KCNH7: variants seen among roughly 807,000 people sequenced by gnomAD.
KCNH7 encodes the protein potassium voltage-gated channel subfamily H member 7.
A neutral mutation model predicts 120.8 loss-of-function variants in KCNH7; 49 were observed. The ratio of observed to expected loss-of-function variants is 0.41; its 90% CI spans 0.32 to 0.51. The LOEUF (loss-of-function observed/expected upper bound fraction) is 0.51, where lower values mean the gene tolerates loss of function less well. KCNH7 is among the 20% of genes least tolerant of loss of function. The pLI, the probability that KCNH7 is intolerant of heterozygous loss-of-function variation, is 0.38. For synonymous variants in KCNH7, 547 were observed against 516.1 expected (o/e 1.06, Z -0.81); for missense variants, 1,097 against 1,446.6 (o/e 0.76, Z 3.92).
At chr2:162,497,666 G>A (rs151132527) in intron 6 of KCNH7, among the ~76,000 whole-genome samples, 183 of 152,192 alleles carry the variant, frequency 1.2e-3, no homozygotes, top group Admixed American at 2.9e-3. Context: ...TGAAGGCTAC[G>A]TCCATCATTT....
At chr2:162,537,102 G>A (rs1392052430) in intron 2 of KCNH7, 22 bp from the exon 3 acceptor site, 2 of 1,569,268 alleles carry the variant, frequency 1.3e-6, no homozygotes, top group Non-Finnish European at 1.7e-6. Context: ...AAAAATGAAT[G>A]TTAGTTAAAA....
chr2:162,606,688 T>G (rs574241863), intron 2 of KCNH7, among the ~76,000 whole-genome samples: 1 of 152,292 alleles, frequency 6.6e-6, no homozygotes, highest in East Asian at 1.9e-4. Context: ...AGATAAACAG[T>G]GTTCAGCCTT....
chr2:162,558,994 G>A (rs1317158544), intron 2 of KCNH7, among the ~76,000 whole-genome samples: 85 of 143,922 alleles, frequency 5.9e-4, no homozygotes, highest in African/African-American at 2.1e-3. Flanking sequence ...GGTGGAGCTT[G>A]CAGTGAGCCA....
intron 6 of KCNH7, among the ~76,000 whole-genome samples, chr2:162,460,331 C>T (rs886380766): frequency 6.6e-5 from 10 of 151,992 alleles, no homozygotes; most frequent in African/African-American, 2.4e-4. Flanking sequence ...TGCTGAGCTG[C>T]CGTATGGTGC....
chr2:162,706,224 C>T lies in KCNH7; in HGVS notation c.307+130313G>A, dbSNP rs538204390. Reference sequence around the variant, plus strand: ...ACTTACTTAAAGTTCCCCCTTTTAACCTACAGAAACCTTAAGAAACTGATA... The same window carrying T: ...ACTTACTTAAAGTTCCCCCTTTTAATCTACAGAAACCTTAAGAAACTGATA... On this transcript the variant is annotated intron_variant, in intron 2 of 15. Transcript: ENST00000332142. 2.6e-5 allele frequency among the ~76,000 whole-genome samples: 4 copies of T among 152,152 alleles called. No homozygotes were observed. The East Asian group carries it at 7.7e-4, about 29-fold the overall frequency.
chr2:162,469,210 T>G (rs978350103), intron 6 of KCNH7, among the ~76,000 whole-genome samples: 2 of 150,620 alleles, frequency 1.3e-5, no homozygotes, highest in African/African-American at 5.0e-5. Flanking sequence ...GTTATGAAAT[T>G]TTATGCTATA....
intron 6 of KCNH7, among the ~76,000 whole-genome samples, chr2:162,451,681 G>GTC (rs893477910): frequency 6.6e-6 from 1 of 151,940 alleles, no homozygotes; most frequent in African/African-American, 2.4e-5. Context: ...GAGTGGCTGG[G>GTC]TCTCTCTCTA....
intron 8 of KCNH7, among the ~76,000 whole-genome samples, chr2:162,430,378 T>G (rs548026379): frequency 6.6e-6 from 1 of 152,124 alleles, no homozygotes; most frequent in Non-Finnish European, 1.5e-5. Flanking sequence ...AGGATACCTA[T>G]GTAGGTTTCT....
intron 2 of KCNH7, among the ~76,000 whole-genome samples, chr2:162,543,998 T>A (rs528664312): frequency 1.3e-5 from 2 of 152,292 alleles, no homozygotes; most frequent in East Asian, 3.9e-4. Context: ...GATGAACTCA[T>A]CAGATTAATT....
chr2:162,822,885 C>G (rs994665095), intron 2 of KCNH7, among the ~76,000 whole-genome samples: 1 of 152,226 alleles, frequency 6.6e-6, no homozygotes, highest in African/African-American at 2.4e-5. Flanking sequence ...GCCCGCACTC[C>G]TGTACAGCTG....
chr2:162,662,702 A>G (rs1264622040), intron 2 of KCNH7, among the ~76,000 whole-genome samples: 1 of 151,926 alleles, frequency 6.6e-6, no homozygotes, highest in Admixed American at 6.6e-5. Flanking sequence ...AGTAAACTGT[A>G]CTCTTCTTTA....
chr2:162,373,098 T>C (rs1459030552), intron 15 of KCNH7, among the ~76,000 whole-genome samples: 1 of 152,170 alleles, frequency 6.6e-6, no homozygotes, highest in African/African-American at 2.4e-5. Context: ...TTTGAAGCTC[T>C]TTTGGGACCC....
chr2:162,723,610 T>C (rs1559100809), intron 2 of KCNH7, among the ~76,000 whole-genome samples: 1 of 152,242 alleles, frequency 6.6e-6, no homozygotes, highest in East Asian at 1.9e-4. Context: ...TTCATTTTTC[T>C]ATAGAGTCAC....
At position 162,537,152 on chromosome 2, in the gene KCNH7, G is replaced by A. The variant is rs183980081; in HGVS notation, c.308-72C>T. The A allele has an allele frequency of 6.9e-4, 825 of 1,193,518 alleles. 4 individuals carry two copies. In the African/African-American group the frequency reaches 0.011, roughly 17 times the overall value. 73.9% of individuals were successfully genotyped at this position (1,193,518 alleles called of 1,614,324 possible). A position where few individuals can be genotyped will look rare whatever the true frequency, so the allele number is the denominator to read the frequency against. On this transcript the variant is annotated intron_variant, in intron 2 of 15. Coordinates refer to ENST00000332142, the MANE Select transcript of KCNH7 (RefSeq NM_033272.4). ...TGAACTATCAAGTAACATTAAAATT[G>A]AAATATACTCTTAAGGAAATTTGTA... is the stretch of plus-strand genomic sequence containing the variant.
intron 12 of KCNH7, among the ~76,000 whole-genome samples, chr2:162,385,982 CAGAT>C (rs1463853625): frequency 6.6e-6 from 1 of 151,696 alleles, no homozygotes; most frequent in Non-Finnish European, 1.5e-5. Flanking sequence ...AAGGTAAAAG[CAGAT>C]AGAGTTTAAA....
At chr2:162,820,500 T>A (rs1217346618) in intron 2 of KCNH7, among the ~76,000 whole-genome samples, 2 of 151,452 alleles carry the variant, frequency 1.3e-5, no homozygotes, top group African/African-American at 2.5e-5. Context: ...CTGCATCTTC[T>A]TGGTACTATT....
chr2:162,783,582 C>T (rs573674454), intron 2 of KCNH7, among the ~76,000 whole-genome samples: 6 of 152,198 alleles, frequency 3.9e-5, no homozygotes, highest in African/African-American at 1.4e-4. Context: ...CTTCTGCTTC[C>T]GAATGCTGTC....
intron 2 of KCNH7, among the ~76,000 whole-genome samples, chr2:162,638,639 C>T (rs1684044297): frequency 6.6e-6 from 1 of 152,026 alleles, no homozygotes; most frequent in African/African-American, 2.4e-5. Flanking sequence ...TGACTATCAG[C>T]AATATGTACT....
chr2:162,468,932 C>G (rs1558961507), intron 6 of KCNH7, among the ~76,000 whole-genome samples: 1 of 151,904 alleles, frequency 6.6e-6, no homozygotes, highest in East Asian at 1.9e-4. Flanking sequence ...TTCACTGTAA[C>G]CTCGAACTTC....
Sources: gnomAD v4.1 joint callset for allele counts (sites outside exome capture counted in the v4.1 genomes callset) on GRCh38, gnomAD v4.1.1 for gene constraint, MANE v1.5 for transcripts, NCBI Gene and HGNC (gene_info 2026-07-23, HGNC 2026-07-21) for gene names.